The following IQCJ variants were observed in gnomAD, a reference collection of about 807,000 sequenced individuals.
IQCJ encodes IQ domain-containing protein J.
Under a neutral mutation model 11.0 loss-of-function variants are expected in IQCJ, and 9 were observed. The observed-to-expected ratio is 0.82, with a 90% CI of 0.49 to 1.43. IQCJ has a LOEUF of 1.43. Ranked by LOEUF, IQCJ falls within the 40% of genes most tolerant of loss-of-function variation. The pLI is 0.00. For missense variants in IQCJ, 146 were observed against 133.2 expected, an observed-to-expected ratio of 1.10 and a Z score of -0.47; for synonymous variants, 55 against 51.3, an observed-to-expected ratio of 1.07 and a Z score of -0.31.
At chr3:159,211,008 A>T (rs1281931019) in intron 1 of IQCJ, among the ~76,000 whole-genome samples, 1 of 152,208 alleles carries the variant, frequency 6.6e-6, no homozygotes, top group Non-Finnish European at 1.5e-5. Flanking sequence ...TGCAAATTTC[A>T]AGGAGTACTA....
downstream of IQCJ, among the ~76,000 whole-genome samples, chr3:159,264,773 G>A (rs1180518153): frequency 6.6e-6 from 1 of 152,106 alleles, no homozygotes; most frequent in Non-Finnish European, 1.5e-5. Context: ...TTAGCTGGGT[G>A]TGGTGGCATG....
At chr3:159,138,367 G>C (rs368789018) in intron 1 of IQCJ, among the ~76,000 whole-genome samples, 1 of 152,090 alleles carries the variant, frequency 6.6e-6, no homozygotes, top group Non-Finnish European at 1.5e-5. Flanking sequence ...TGGAGTTCAT[G>C]TTACTATCCT....
At chr3:159,193,560 A>G (rs1723809661) in intron 1 of IQCJ, among the ~76,000 whole-genome samples, 1 of 152,130 alleles carries the variant, frequency 6.6e-6, no homozygotes, top group Admixed American at 6.5e-5. Flanking sequence ...ATGTGATGTT[A>G]TGTGTGGTTC....
chr3:159,207,389 T>C (rs1168411070), intron 1 of IQCJ, among the ~76,000 whole-genome samples: 2 of 152,194 alleles, frequency 1.3e-5, no homozygotes, highest in African/African-American at 2.4e-5. Context: ...TTCTGCCAGC[T>C]TTTTTTCCTA....
At chr3:159,092,307 T>C (rs200777314) in intron 1 of IQCJ, among the ~76,000 whole-genome samples, 1 of 151,950 alleles carries the variant, frequency 6.6e-6, no homozygotes, top group Non-Finnish European at 1.5e-5. Context: ...GGGACTGTTA[T>C]AGCTATGGAC....
intron 1 of IQCJ, among the ~76,000 whole-genome samples, chr3:159,226,282 G>A (rs1004146940): frequency 6.6e-6 from 1 of 152,180 alleles, no homozygotes; most frequent in Non-Finnish European, 1.5e-5. Flanking sequence ...CTTGCAACCA[G>A]CCCTCATCAT....
intron 3 of IQCJ, among the ~76,000 whole-genome samples, chr3:159,255,997 G>A (rs1288078488): frequency 6.6e-6 from 1 of 152,200 alleles, no homozygotes; most frequent in Admixed American, 6.5e-5. Flanking sequence ...AGGAATGCAG[G>A]CTTAGTGAGA....
intron 1 of IQCJ, among the ~76,000 whole-genome samples, chr3:159,086,017 C>T (rs2108067975): frequency 6.6e-6 from 1 of 152,252 alleles, no homozygotes; most frequent in Non-Finnish European, 1.5e-5. Flanking sequence ...ATGGTAATGC[C>T]TAGGTTTTCT....
chr3:159,220,469 G>GA (rs1421297225), intron 1 of IQCJ, among the ~76,000 whole-genome samples: 1 of 152,148 alleles, frequency 6.6e-6, no homozygotes, highest in Non-Finnish European at 1.5e-5. Flanking sequence ...AAGTCAACAA[G>GA]AAGAGCCTCA....
chr3:159,148,111 T>C (rs1308645746), intron 1 of IQCJ, among the ~76,000 whole-genome samples: 1 of 152,250 alleles, frequency 6.6e-6, no homozygotes, highest in Non-Finnish European at 1.5e-5. Flanking sequence ...CACCTTACAT[T>C]AGGAAAGTAG....
chr3:159,217,434 G>A (rs1255121095), intron 1 of IQCJ, among the ~76,000 whole-genome samples: 2 of 152,096 alleles, frequency 1.3e-5, no homozygotes, highest in Non-Finnish European at 2.9e-5. Flanking sequence ...AATCATAGTG[G>A]CATGAGAGTT....
chr3:159,240,087 G>A (rs1726829618), intron 1 of IQCJ, among the ~76,000 whole-genome samples: 1 of 152,092 alleles, frequency 6.6e-6, no homozygotes. Context: ...AAATAGGTAG[G>A]AAGTGTAGGG....
intron 1 of IQCJ, among the ~76,000 whole-genome samples, chr3:159,211,858 T>G (rs1362105711): frequency 6.6e-6 from 1 of 151,892 alleles, no homozygotes; most frequent in Non-Finnish European, 1.5e-5. Context: ...ATTTGAAAAT[T>G]ATCAAAACTG....
Position 159,080,179 on chromosome 3 carries a change from G to A in IQCJ, c.9+10738G>A, listed in dbSNP as rs140809978. Among the ~76,000 whole-genome samples the A allele has an allele frequency of 3.8e-3, 585 of 152,152 alleles. 6 individuals are homozygous for A. The highest frequency in any genetic ancestry group is 0.013 in the African/African-American group (520 of 41,502). ...CAGTATGTTAATTAATTCTATTTAGGAGCTTGGTAATCATGATCAGTAGAA... is the reference window on the plus strand; with the variant it reads ...CAGTATGTTAATTAATTCTATTTAGAAGCTTGGTAATCATGATCAGTAGAA... On this transcript the variant is annotated intron_variant, in intron 1 of 3. Transcript: ENST00000397832.
At chr3:159,082,796 T>C (rs1288910839) in intron 1 of IQCJ, among the ~76,000 whole-genome samples, 2 of 151,944 alleles carry the variant, frequency 1.3e-5, no homozygotes, top group South Asian at 2.1e-4. Context: ...CTGGGACAGA[T>C]AGAGACAACC....
At chr3:159,102,973 A>G (rs904848101) in intron 1 of IQCJ, among the ~76,000 whole-genome samples, 1 of 152,172 alleles carries the variant, frequency 6.6e-6, no homozygotes, top group African/African-American at 2.4e-5. Flanking sequence ...CCATTTCCAC[A>G]GGCCTTCCTC....
intron 1 of IQCJ, among the ~76,000 whole-genome samples, chr3:159,196,875 C>T (rs1431016335): frequency 6.6e-6 from 1 of 152,086 alleles, no homozygotes. Context: ...TAAACAATAC[C>T]ACTACTTACT....
At chr3:159,129,343 A>C (rs776131625) in intron 1 of IQCJ, among the ~76,000 whole-genome samples, 3 of 152,238 alleles carry the variant, frequency 2.0e-5, no homozygotes, top group African/African-American at 4.8e-5. Context: ...TGAGAAGCTC[A>C]GGGCTAGTCC....
chr3:159,086,020 G>A (rs1370923468), intron 1 of IQCJ, among the ~76,000 whole-genome samples: 2 of 152,086 alleles, frequency 1.3e-5, no homozygotes, highest in Admixed American at 6.5e-5. Context: ...GTAATGCCTA[G>A]GTTTTCTTCT....
Sources: allele counts gnomAD v4.1 joint callset (sites outside exome capture counted in the v4.1 genomes callset), GRCh38; gene constraint gnomAD v4.1.1; transcripts MANE v1.5; gene names NCBI Gene and HGNC (gene_info 2026-07-23, HGNC 2026-07-21).